Variants in AAK1 observed in about 807,000 individuals in gnomAD.
The protein encoded by AAK1 is AP2 associated kinase 1.
Under a neutral mutation model 116.0 loss-of-function variants are expected in AAK1, and 37 were observed. The observed-to-expected ratio is 0.32, with a 90% confidence interval of 0.25 to 0.42. The LOEUF is 0.42. AAK1 is among the 10% of genes least tolerant of loss of function. The pLI, the probability that AAK1 is intolerant of heterozygous loss-of-function variation, is 1.00. For missense variants in AAK1, 919 were observed against 1,170.6 expected (o/e 0.79, Z 3.14); for synonymous variants, 458 against 439.9 (o/e 1.04, Z -0.51).
intron 2 of AAK1, among the ~76,000 whole-genome samples, chr2:69,563,792 G>T (rs1671747787): frequency 6.6e-6 from 1 of 152,206 alleles, no homozygotes; most frequent in South Asian, 2.1e-4. Context: ...CTTTTCTAAG[G>T]AATCAGACAG....
At chr2:69,594,676 A>C (rs185836573) in intron 2 of AAK1, 336 of 581,342 alleles carry the variant, frequency 5.8e-4, no homozygotes, top group Non-Finnish European at 5.4e-4. Context: ...TTCTTGAAGG[A>C]ATTTTTTTTA....
At chr2:69,577,681 T>C (rs1672369688) in intron 2 of AAK1, among the ~76,000 whole-genome samples, 1 of 152,212 alleles carries the variant, frequency 6.6e-6, no homozygotes, top group African/African-American at 2.4e-5. Flanking sequence ...TTGTCCTTTG[T>C]ACTTGCCTCA....
In AAK1 at chr2:69,472,441, G is replaced by T. The variant is rs563912746; in HGVS notation, c.*3428C>A. Reference sequence around the variant, plus strand: ...AGAGGAGTTTCAAAAATAACTTTAAGGATGGCAGCATCATTAGAATAAGTA... The same window carrying T: ...AGAGGAGTTTCAAAAATAACTTTAATGATGGCAGCATCATTAGAATAAGTA... On this transcript the variant is annotated 3_prime_UTR_variant, in exon 22 of 22. Transcript: ENST00000409085. 2 of 310,468 alleles carry T rather than the reference G, an allele frequency of 6.4e-6. No homozygotes were observed. Among genetic ancestry groups the T allele is most frequent in the Non-Finnish European group, 9.4e-6 (2 of 213,416 alleles). The allele number at this position is 310,468 out of a possible 1,614,324, so 19.2% of individuals were successfully genotyped here.
At chr2:69,479,148 A>C (rs982977043) in intron 19 of AAK1, 87 bp from the exon 20 acceptor site, 1 of 952,810 alleles carries the variant, frequency 1.0e-6, no homozygotes, top group Non-Finnish European at 1.6e-6. Context: ...TTAGCTTTTA[A>C]GTTACTGCAT....
chr2:69,485,992 C>T (rs1675285321), intron 17 of AAK1, among the ~76,000 whole-genome samples: 1 of 151,654 alleles, frequency 6.6e-6, no homozygotes, highest in Non-Finnish European at 1.5e-5. Flanking sequence ...TAGTGCTCTG[C>T]CACCCGGGCT....
intron 17 of AAK1, among the ~76,000 whole-genome samples, chr2:69,493,331 G>C (rs571195404): frequency 6.6e-6 from 1 of 152,060 alleles, no homozygotes; most frequent in South Asian, 2.1e-4. Flanking sequence ...ACGACCTGCT[G>C]AGCCTAGCTA....
intron 2 of AAK1, among the ~76,000 whole-genome samples, chr2:69,596,921 G>A (rs2105184357): frequency 6.6e-6 from 1 of 152,292 alleles, no homozygotes; most frequent in South Asian, 2.1e-4. Flanking sequence ...TGCCATGGTG[G>A]TGGGGGAGTA....
chr2:69,507,597 C>A lies in AAK1; in HGVS notation c.2007-19G>T. 1 of 1,555,338 alleles carries A rather than the reference C, an allele frequency of 6.4e-7. No homozygotes were observed. The highest frequency in any genetic ancestry group is 2.3e-5 in the East Asian group (1 of 43,894). ...TGCAGACCTAGGTAGGTTCCCACCC[C>A]CACGAAACAAAAAGATATAAAAGTT... On this transcript the variant is annotated intron_variant, in intron 14 of 21. Coordinates refer to ENST00000409085, the MANE Select transcript of AAK1 (RefSeq NM_014911.5).
intron 10 of AAK1, among the ~76,000 whole-genome samples, chr2:69,521,257 C>T (rs1669764455): frequency 6.6e-6 from 1 of 152,200 alleles, no homozygotes; most frequent in Non-Finnish European, 1.5e-5. Flanking sequence ...TATGCAAGGA[C>T]AATCTCAAAA....
At position 69,471,480 on chromosome 2, in the gene AAK1, G is replaced by C. The variant is rs1674680037; in HGVS notation, c.*4389C>G. The C allele has an allele frequency of 1.4e-5, 14 of 985,314 alleles. No homozygotes were observed. The highest frequency in any genetic ancestry group is 1.7e-5 in the Non-Finnish European group (14 of 829,934). 61.0% of individuals were successfully genotyped at this position (985,314 alleles called of 1,614,324 possible). On this transcript the variant is annotated 3_prime_UTR_variant, in exon 22 of 22. Coordinates refer to ENST00000409085, the MANE Select transcript of AAK1 (RefSeq NM_014911.5). ...AATAAAGATAGCTTTGCAGTATCTGGAGTGTTTCAGGAAAGCTTCCATTCT... is the reference window on the plus strand; with the variant it reads ...AATAAAGATAGCTTTGCAGTATCTGCAGTGTTTCAGGAAAGCTTCCATTCT...
chr2:69,566,372 T>A (rs147238981), intron 2 of AAK1, among the ~76,000 whole-genome samples: 1 of 152,050 alleles, frequency 6.6e-6, no homozygotes, highest in African/African-American at 2.4e-5. Context: ...TTGCCTCAAT[T>A]AAAAATCATC....
intron 2 of AAK1, among the ~76,000 whole-genome samples, chr2:69,609,845 C>A (rs971887060): frequency 1.3e-5 from 2 of 151,716 alleles, no homozygotes; most frequent in African/African-American, 4.8e-5. Flanking sequence ...GTCAGGAGAT[C>A]GAGACCATCC....
rs1232560785 is a variant in AAK1, at chr2:69,590,695, C to A, written c.164-33717G>T. 2.0e-5 allele frequency among the ~76,000 whole-genome samples: 3 copies of A among 152,254 alleles called. No individual in the cohort carries two copies. The South Asian group carries it at 6.2e-4, about 31-fold the overall frequency. Reference sequence around the variant, plus strand: ...GAATCCCAATATCAATACATACTATCTTTGGCTTAACCATCTACTAACTGG... The same window carrying A: ...GAATCCCAATATCAATACATACTATATTTGGCTTAACCATCTACTAACTGG... On this transcript the variant is annotated intron_variant, in intron 2 of 21. Transcript: ENST00000409085.
chr2:69,526,697 G>A (rs1553412846), intron 9 of AAK1, among the ~76,000 whole-genome samples: 1 of 152,230 alleles, frequency 6.6e-6, no homozygotes, highest in Non-Finnish European at 1.5e-5. Flanking sequence ...ACTAAATGTA[G>A]AAAACATTCT....
intron 17 of AAK1, among the ~76,000 whole-genome samples, chr2:69,492,261 T>C (rs1408886552): frequency 6.6e-6 from 1 of 152,044 alleles, no homozygotes; most frequent in African/African-American, 2.4e-5. Flanking sequence ...TCACCCAGGC[T>C]GGAGTGCAGT....
intron 5 of AAK1, among the ~76,000 whole-genome samples, chr2:69,541,420 C>T (rs992068520): frequency 6.6e-6 from 1 of 151,748 alleles, no homozygotes; most frequent in Admixed American, 6.6e-5. Context: ...TTAGTAGAGA[C>T]GTGGTTTCGC....
Position 69,467,929 on chromosome 2 carries a change from C to T in AAK1, c.*7940G>A, listed in dbSNP as rs1009130781. 1.0e-6 allele frequency: 1 copy of T among 985,218 alleles called. No individual in the cohort carries two copies. Among genetic ancestry groups the T allele is most frequent in the African/African-American group, 1.7e-5 (1 of 57,216 alleles). The allele number at this position is 985,218 out of a possible 1,614,324, so 61.0% of individuals were successfully genotyped here. ...TGAATCCTATAACTTTTTAGCAGTGCTTCTTTTTAAACAGTTCTGACCTTA... is the reference window on the plus strand; with the variant it reads ...TGAATCCTATAACTTTTTAGCAGTGTTTCTTTTTAAACAGTTCTGACCTTA... On this transcript the variant is annotated 3_prime_UTR_variant, in exon 22 of 22. Coordinates refer to ENST00000409085, the MANE Select transcript of AAK1 (RefSeq NM_014911.5).
chr2:69,621,206 G>A (rs1015287603), intron 2 of AAK1, among the ~76,000 whole-genome samples: 1 of 151,984 alleles, frequency 6.6e-6, no homozygotes, highest in Non-Finnish European at 1.5e-5. Context: ...TTTTGGTTGC[G>A]CGTGGTGGCT....
At chr2:69,502,303 C>T (rs550652731) in intron 16 of AAK1, among the ~76,000 whole-genome samples, 10 of 152,190 alleles carry the variant, frequency 6.6e-5, no homozygotes, top group Admixed American at 4.6e-4. Context: ...AATACAATCT[C>T]AAAGAAATAA....
Sources: allele counts gnomAD v4.1 joint callset (sites outside exome capture counted in the v4.1 genomes callset), GRCh38; gene constraint gnomAD v4.1.1; transcripts MANE v1.5; gene names NCBI Gene and HGNC (gene_info 2026-07-23, HGNC 2026-07-21).